Variants in BCR observed in about 807,000 individuals in gnomAD.
BCR encodes BCR activator of RhoGEF and GTPase.
A neutral mutation model predicts 138.6 loss-of-function variants in BCR; 58 were observed. That is an observed-to-expected ratio of 0.42 (90% CI 0.34 to 0.52). The LOEUF is 0.52. BCR is among the 20% of genes least tolerant of loss of function. The probability of loss-of-function intolerance (pLI) is 0.06; values close to 1 mark genes in which losing one functional copy is unlikely to be tolerated. For missense variants in BCR, 1,599 were observed against 1,727.2 expected (o/e 0.93, Z 1.32); for synonymous variants, 786 against 730.1 (o/e 1.08, Z -1.23).
chr22:23,308,268 A>G (rs1473495664), intron 16 of BCR, among the ~76,000 whole-genome samples: 1 of 152,188 alleles, frequency 6.6e-6, no homozygotes, highest in Admixed American at 6.5e-5. Flanking sequence ...ATTATGAGTC[A>G]GTTCTCTGCA....
intron 7 of BCR, 147 bp downstream of exon 7, chr22:23,273,280 T>G: frequency 1.1e-6 from 1 of 891,504 alleles, no homozygotes; most frequent in Non-Finnish European, 1.7e-6. Context: ...TGGGGTGGTG[T>G]TGGACATTCT....
Position 23,181,068 on chromosome 22 carries a change from G to T in BCR, c.108G>T (p.Glu36Asp), listed in dbSNP as rs553187525. The change falls in exon 1 of 23, where the codon GAG (glutamate) becomes GAT (aspartate). Residue 36 changes from glutamate (E) to aspartate (D), a missense_variant. Physicochemically the swap from Glu to Asp is conservative, Grantham distance 45 (BLOSUM62 2). Coordinates refer to ENST00000305877, the MANE Select transcript of BCR (RefSeq NM_004327.4). ...TGGGCGACATCGAGCAGGAGCTGGA[G>T]CGCTGCAAGGCCTCCATTCGGCGCC... is the stretch of plus-strand genomic sequence containing the variant. ...RSVGDIEQEL[E>D]RCKASIRRLE... 1.1e-5 allele frequency: 16 copies of T among 1,521,408 alleles called. No homozygotes were observed. In the African/African-American group the frequency reaches 1.4e-4, roughly 13 times the overall value. 94.2% of individuals were successfully genotyped at this position (1,521,408 alleles called of 1,614,324 possible). A position where few individuals can be genotyped will look rare whatever the true frequency, so the allele number is the denominator to read the frequency against.
chr22:23,275,986 G>A (rs969518998), intron 8 of BCR, among the ~76,000 whole-genome samples: 1 of 152,170 alleles, frequency 6.6e-6, no homozygotes, highest in Non-Finnish European at 1.5e-5. Flanking sequence ...AGGAAAACGC[G>A]ATGTTGTCTA....
chr22:23,213,652 G>T (rs537777793), intron 1 of BCR, among the ~76,000 whole-genome samples: 3 of 152,024 alleles, frequency 2.0e-5, no homozygotes, highest in Admixed American at 6.5e-5. Flanking sequence ...GTGAGAGCTC[G>T]TCTCTCCAAA....
At chr22:23,232,471 C>T (rs1267832267) in intron 1 of BCR, among the ~76,000 whole-genome samples, 1 of 152,204 alleles carries the variant, frequency 6.6e-6, no homozygotes, top group Non-Finnish European at 1.5e-5. Flanking sequence ...TCAGGCCTGT[C>T]AGAGAGGGTG....
At chr22:23,189,310 C>T (rs1484924380) in intron 1 of BCR, among the ~76,000 whole-genome samples, 1 of 152,124 alleles carries the variant, frequency 6.6e-6, no homozygotes, top group East Asian at 1.9e-4. Flanking sequence ...ATCCATCAGA[C>T]TTTAACTCCC....
At position 23,315,549 on chromosome 22, in the gene BCR, G is replaced by A; in HGVS notation, c.*27G>A. The A allele has an allele frequency of 6.2e-7, 1 of 1,600,792 alleles. No homozygotes were observed. The highest frequency in any genetic ancestry group is 1.1e-5 in the South Asian group (1 of 90,700). On this transcript the variant is annotated 3_prime_UTR_variant, in exon 23 of 23. Coordinates refer to ENST00000305877, the MANE Select transcript of BCR (RefSeq NM_004327.4). ...GGTCCCAGTCCATCTCCTGGAGGCG[G>A]ACAGATGGCCTGGAAACCTCTGGCT... is the stretch of plus-strand genomic sequence containing the variant.
chr22:23,214,312 A>T (rs1458065220), intron 1 of BCR, among the ~76,000 whole-genome samples: 1 of 152,034 alleles, frequency 6.6e-6, no homozygotes, highest in African/African-American at 2.4e-5. Context: ...TTGTTTTCAA[A>T]TGGTTTTATT....
intron 1 of BCR, among the ~76,000 whole-genome samples, chr22:23,232,207 C>G (rs556369732): frequency 1.3e-5 from 2 of 152,360 alleles, no homozygotes; most frequent in East Asian, 3.9e-4. Flanking sequence ...CCCAAGTGCT[C>G]TAGGCAGGCA....
intron 5 of BCR, among the ~76,000 whole-genome samples, chr22:23,269,050 G>A (rs2146285018): frequency 6.6e-6 from 1 of 152,380 alleles, no homozygotes; most frequent in Non-Finnish European, 1.5e-5. Context: ...AGGTCTGAGA[G>A]GCTGCTGACT....
At chr22:23,314,191 C>A (rs187404370) in intron 21 of BCR, 118 bp downstream of exon 21, 187 of 818,994 alleles carry the variant, frequency 2.3e-4, no homozygotes, top group Middle Eastern at 4.5e-4. Context: ...TGTCTGCAGT[C>A]ACTCACTGCC....
At chr22:23,186,246 G>C (rs775826112) in intron 1 of BCR, among the ~76,000 whole-genome samples, 30 of 152,244 alleles carry the variant, frequency 2.0e-4, no homozygotes, top group Admixed American at 3.3e-4. Flanking sequence ...CGTCTGCCTT[G>C]TGATTCTAGG....
chr22:23,193,177 G>A (rs997205344), intron 1 of BCR, among the ~76,000 whole-genome samples: 8 of 152,264 alleles, frequency 5.3e-5, no homozygotes, highest in African/African-American at 9.6e-5. Flanking sequence ...CCGTAGAGTA[G>A]GGAGAGATTT....
At chr22:23,243,767 C>T (rs879461907) in intron 1 of BCR, among the ~76,000 whole-genome samples, 4 of 151,766 alleles carry the variant, frequency 2.6e-5, no homozygotes, top group African/African-American at 4.8e-5. Flanking sequence ...CTTAGCCTCC[C>T]GAGTAGCTGG....
Position 23,271,708 on chromosome 22 carries a change from C to T in BCR, c.1921+116C>T. On this transcript the variant is annotated intron_variant, in intron 6 of 22. Coordinates refer to ENST00000305877, the MANE Select transcript of BCR (RefSeq NM_004327.4). ...CACTTGGGTCATCCCTTGGTGCCTT[C>T]CCTGTTCTCTCTTCAGATAGAGTGG... The T allele has an allele frequency of 3.1e-6, 3 of 974,008 alleles. No homozygotes were observed. The South Asian group carries it at 4.1e-5, about 13-fold the overall frequency. 60.3% of individuals were successfully genotyped at this position (974,008 alleles called of 1,614,324 possible). A position where few individuals can be genotyped will look rare whatever the true frequency, so the allele number is the denominator to read the frequency against.
At chr22:23,254,340 C>T (rs113206019) in intron 2 of BCR, among the ~76,000 whole-genome samples, 3 of 152,140 alleles carry the variant, frequency 2.0e-5, no homozygotes, top group Admixed American at 1.3e-4. Flanking sequence ...AGCCTTCTTG[C>T]TCCCTTTTAC....
At chr22:23,235,869 C>T (rs1329250335) in intron 1 of BCR, among the ~76,000 whole-genome samples, 2 of 152,134 alleles carry the variant, frequency 1.3e-5, no homozygotes, top group African/African-American at 2.4e-5. Context: ...TTCAAAAGGG[C>T]ACTAATCCCC....
chr22:23,310,039 G>A (rs1336721007), intron 17 of BCR: 1 of 444,234 alleles, frequency 2.3e-6, no homozygotes, highest in Non-Finnish European at 4.2e-6. Flanking sequence ...TACAGCCTGG[G>A]CAACATTGCA....
intron 8 of BCR, among the ~76,000 whole-genome samples, chr22:23,274,907 CAAAA>C (rs758602402): frequency 2.4e-5 from 2 of 84,042 alleles, no homozygotes; most frequent in East Asian, 6.6e-4. Flanking sequence ...AACTCCATCT[CAAAA>C]AAAAAAAAAA....
Sources: gnomAD v4.1 joint callset for allele counts (sites outside exome capture counted in the v4.1 genomes callset) on GRCh38, gnomAD v4.1.1 for gene constraint, MANE v1.5 for transcripts, NCBI Gene and HGNC (gene_info 2026-07-23, HGNC 2026-07-21) for gene names.